ACADM: variants seen among roughly 807,000 people sequenced by gnomAD.
ACADM encodes acyl-CoA dehydrogenase medium chain, also known as medium-chain specific acyl-CoA dehydrogenase, mitochondrial.
Under a neutral mutation model 58.9 loss-of-function variants are expected in ACADM, and 49 were observed. The observed-to-expected ratio is 0.83, with a 90% CI of 0.66 to 1.06. The LOEUF is 1.06. Among genes scored for constraint, ACADM ranks in the 50% least tolerant of loss-of-function variants. ACADM has a pLI of 0.00. For synonymous variants in ACADM, 160 were observed against 157.7 expected (o/e 1.01, Z -0.11); for missense variants, 496 against 507.0 (o/e 0.98, Z 0.21).
rs777309510 is a variant in ACADM at position 75,749,401 on chromosome 1, T to C, written c.709-18T>C. On this transcript the variant is annotated intron_variant, in intron 8 of 11. Transcript: ENST00000370841. The stretch of plus-strand genomic sequence containing the variant: ...GGCTCAAAAAAAATTCCTTAAAATA[T>C]ATCAATTTTCTTATTAGGAATTAAA... 1.4e-5 allele frequency: 23 copies of C among 1,612,678 alleles called. No homozygotes were observed. The highest frequency in any genetic ancestry group is 1.2e-4 in the South Asian group (11 of 90,824).
At chr1:75,733,650 C>T in intron 5 of ACADM, 22 bp downstream of exon 5, 1 of 1,557,216 alleles carries the variant, frequency 6.4e-7, no homozygotes, top group African/African-American at 1.4e-5. Flanking sequence ...AGAAAATTAA[C>T]TACCTAACTC....
Position 75,729,398 on chromosome 1 carries a change from A to G in ACADM, c.118+910A>G, listed in dbSNP as rs564548192. ...GCAGTCCTCTTATTTCAGCCTCCCA[A>G]AGTGCTGGGATTATAGGCATGAGCT... On this transcript the variant is annotated intron_variant, in intron 2 of 11. Coordinates refer to ENST00000370841, the MANE Select transcript of ACADM (RefSeq NM_000016.6). Among the ~76,000 whole-genome samples the G allele has an allele frequency of 1.2e-4, 18 of 148,536 alleles. No individual in the cohort carries two copies. The East Asian group carries it at 3.3e-3, about 27-fold the overall frequency.
intron 11 of ACADM, 55 bp downstream of exon 11, chr1:75,761,425 A>T: frequency 6.3e-7 from 1 of 1,581,910 alleles, no homozygotes; most frequent in Admixed American, 1.7e-5. Flanking sequence ...TTCATAAATG[A>T]CAACGTGGAT....
chr1:75,762,818 C>A lies in ACADM; in HGVS notation c.*55C>A. On this transcript the variant is annotated 3_prime_UTR_variant, in exon 12 of 12. Coordinates refer to ENST00000370841, the MANE Select transcript of ACADM (RefSeq NM_000016.6). ...AGAACACAAGCCACTGTTTCAGCTC[C>A]AGAAAAAAGAAAGGGCTTTAACGTT... 8.7e-7 allele frequency: 1 copy of A among 1,146,944 alleles called. No individual in the cohort carries two copies. Among genetic ancestry groups the A allele is most frequent in the Non-Finnish European group, 1.3e-6 (1 of 777,832 alleles). The allele number at this position is 1,146,944 out of a possible 1,614,324, so 71.0% of individuals were successfully genotyped here.
At chr1:75,740,487 A>G (rs1647509094) in intron 7 of ACADM, among the ~76,000 whole-genome samples, 1 of 152,198 alleles carries the variant, frequency 6.6e-6, no homozygotes, top group Non-Finnish European at 1.5e-5. Context: ...GCCTGTCTCC[A>G]GATGTCAGAA....
At chr1:75,740,154 T>G (rs1356259467) in intron 7 of ACADM, 44 bp downstream of exon 7, 4 of 1,553,512 alleles carry the variant, frequency 2.6e-6, no homozygotes, top group African/African-American at 2.7e-5. Flanking sequence ...CTTAATTGTT[T>G]TATCTTCAAA....
At chr1:75,732,948 C>T in intron 4 of ACADM, 26 bp downstream of exon 4, 2 of 1,612,746 alleles carry the variant, frequency 1.2e-6, no homozygotes, top group Non-Finnish European at 1.7e-6. Flanking sequence ...ATTTTTAATA[C>T]TGGAATGCAT....
At chr1:75,740,135 A>G (rs758525245) in intron 7 of ACADM, 25 bp downstream of exon 7, 2 of 1,595,916 alleles carry the variant, frequency 1.3e-6, no homozygotes, top group African/African-American at 2.7e-5. Flanking sequence ...ACATCTTTGT[A>G]TATTTTTTCT....
Position 75,733,628 on chromosome 1 carries a change from G to A in ACADM, c.387G>A (p.Gly129=). 1 of 1,609,656 alleles carries A rather than the reference G, an allele frequency of 6.2e-7. No individual in the cohort carries two copies. The highest frequency in any genetic ancestry group is 8.5e-7 in the Non-Finnish European group (1 of 1,176,086). The stretch of plus-strand genomic sequence containing the variant: ...CTGCTATTGAAGGAAATTCTTTGGG[G>A]GTAAGTGACTTAGAAAATTAACTAC... ...VQTAIEGNSL[G]QMPIIIAGND... is the part of the protein sequence containing the mutation. Residue 129 remains glycine, a splice_region_variant and synonymous_variant, in exon 5 of 12, where the codon GGG becomes GGA. Transcript: ENST00000370841.
At chr1:75,736,695 G>A (rs1023078370) in intron 6 of ACADM, among the ~76,000 whole-genome samples, 1 of 152,090 alleles carries the variant, frequency 6.6e-6, no homozygotes, top group Admixed American at 6.6e-5. Context: ...TCCAAAATTC[G>A]TGGATGCCAA....
intron 11 of ACADM, among the ~76,000 whole-genome samples, chr1:75,762,020 G>A (rs1357468771): frequency 3.3e-5 from 5 of 152,330 alleles, no homozygotes; most frequent in Non-Finnish European, 7.3e-5. Context: ...AATGTTACAC[G>A]TAGTGCAGCC....
chr1:75,746,840 C>T (rs1321198264), intron 8 of ACADM, among the ~76,000 whole-genome samples: 2 of 152,052 alleles, frequency 1.3e-5, no homozygotes, highest in Non-Finnish European at 2.9e-5. Flanking sequence ...CTCAAGCAAT[C>T]CTCCCACCTT....
chr1:75,744,889 G>A lies in ACADM; in HGVS notation c.600-917G>A, dbSNP rs569664920. 475 of 377,214 alleles carry A rather than the reference G, an allele frequency of 1.3e-3. 10 individuals are homozygous for A. Among genetic ancestry groups the A allele is most frequent in the South Asian group, 0.01 (463 of 44,182 alleles). The allele number at this position is 377,214 out of a possible 1,614,324, so 23.4% of individuals were successfully genotyped here. A position where few individuals can be genotyped will look rare whatever the true frequency, so the allele number is the denominator to read the frequency against. On this transcript the variant is annotated intron_variant, in intron 7 of 11. Transcript: ENST00000370841. ...TAAAATTAGTTTTGGGAAAGAAAAAGTGCCAGTTTCAACAGGCATAGACTG... is the reference window on the plus strand; with the variant it reads ...TAAAATTAGTTTTGGGAAAGAAAAAATGCCAGTTTCAACAGGCATAGACTG...
At chr1:75,749,008 G>T (rs1277139129) in intron 8 of ACADM, among the ~76,000 whole-genome samples, 1 of 152,156 alleles carries the variant, frequency 6.6e-6, no homozygotes, top group African/African-American at 2.4e-5. Context: ...TTCTGACATG[G>T]TAAAATAGAT....
chr1:75,748,730 G>T (rs1648034714), intron 8 of ACADM, among the ~76,000 whole-genome samples: 1 of 152,178 alleles, frequency 6.6e-6, no homozygotes, highest in South Asian at 2.1e-4. Context: ...TAAGGAAATT[G>T]ACTATAAAGG....
intron 1 of ACADM, 161 bp from the exon 2 acceptor site, chr1:75,728,240 G>T: frequency 3.7e-6 from 2 of 543,790 alleles, no homozygotes; most frequent in South Asian, 2.3e-5. Flanking sequence ...ACTGATAATT[G>T]GCTTATTTAA....
rs7524467 is a variant in ACADM, at chr1:75,728,369, C to G, written c.31-32C>G. 430,826 of 1,560,352 alleles carry G rather than the reference C, an allele frequency of 0.28. 62,485 individuals are homozygous for G. The highest frequency in any genetic ancestry group is 0.3 in the Non-Finnish European group (344,551 of 1,135,000). On this transcript the variant is annotated intron_variant, in intron 1 of 11. Transcript: ENST00000370841. ...CTTATCTGATTAATGTTTAACTTAT[C>G]AAATTTATTTTAATAAAAGTGTTCT...
chr1:75,733,876 AAACTGTATACTTTGGCTGCAGCTTC>A (rs1160869534), intron 5 of ACADM, among the ~76,000 whole-genome samples: 1 of 152,174 alleles, frequency 6.6e-6, no homozygotes, highest in Non-Finnish European at 1.5e-5. Context: ...CCTTTGGAGG[AAACTGTATACTTTGGCTGCAGCTTC>A]AGTGGCAATT....
At position 75,761,253 on chromosome 1, in the gene ACADM, A is replaced by G. The variant is rs373828881; in HGVS notation, c.1077A>G (p.Ala359=). 9.3e-6 allele frequency: 15 copies of G among 1,614,058 alleles called. No individual in the cohort carries two copies. The highest frequency in any genetic ancestry group is 3.3e-5 in the Admixed American group (2 of 60,004). Reference sequence around the variant, plus strand: ...CCTATTATGCTTCTATTGCAAAGGCATTTGCTGGAGATATTGCAAATCAGT... The same window carrying G: ...CCTATTATGCTTCTATTGCAAAGGCGTTTGCTGGAGATATTGCAAATCAGT... ...RNTYYASIAK[A]FAGDIANQLA... is the part of the protein sequence containing the mutation. The change falls in exon 11 of 12, where the codon GCA becomes GCG. Residue 359 remains alanine (A), a synonymous_variant. Transcript: ENST00000370841.
Sources: gnomAD v4.1 joint callset for allele counts (sites outside exome capture counted in the v4.1 genomes callset) on GRCh38, gnomAD v4.1.1 for gene constraint, MANE v1.5 for transcripts, NCBI Gene and HGNC (gene_info 2026-07-23, HGNC 2026-07-21) for gene names.